The following NUP155 variants were observed in gnomAD, a reference collection of about 807,000 sequenced individuals.
NUP155 encodes the protein nuclear pore complex protein Nup155.
A neutral mutation model predicts 180.4 loss-of-function variants in NUP155; 71 were observed. The observed-to-expected ratio is 0.39, with a 90% CI of 0.33 to 0.48. The LOEUF (loss-of-function observed/expected upper bound fraction) is 0.48, where lower values mean the gene tolerates loss of function less well. Ranked by LOEUF, NUP155 falls within the 20% of genes least tolerant of loss-of-function variation. The pLI, the probability that NUP155 is intolerant of heterozygous loss-of-function variation, is 0.91. For missense variants in NUP155, 1,553 were observed against 1,648.9 expected (o/e 0.94, Z 1.01); for synonymous variants, 582 against 559.5 (o/e 1.04, Z -0.57).
intron 19 of NUP155, among the ~76,000 whole-genome samples, chr5:37,324,615 C>T (rs555942485): frequency 5.3e-5 from 8 of 151,846 alleles, no homozygotes; most frequent in African/African-American, 1.4e-4. Context: ...TGTAGTGGCG[C>T]GGATCATATC....
chr5:37,294,874 CAG>C (rs1007164058), intron 32 of NUP155, among the ~76,000 whole-genome samples: 18 of 152,172 alleles, frequency 1.2e-4, no homozygotes, highest in African/African-American at 3.1e-4. Context: ...CTAATGAGCA[CAG>C]AGTTTCTTTT....
rs1400426953 is a variant in NUP155 at position 37,324,051 on chromosome 5, A to T, written c.2148T>A (p.Gly716=). 6.2e-7 allele frequency: 1 copy of T among 1,613,802 alleles called. No homozygotes were observed. Among genetic ancestry groups the T allele is most frequent in the African/African-American group, 1.3e-5 (1 of 74,920 alleles). Reference sequence around the variant, plus strand: ...AGTTTCTGTCTAGAAATTCCTGCAAACCCTTTAGTTCTTGTAGCACTGACT... The same window carrying T: ...AGTTTCTGTCTAGAAATTCCTGCAATCCCTTTAGTTCTTGTAGCACTGACT... ...LLESVLQELK[G]LQEFLDRNSQ... The change falls in exon 20 of 35, where the codon GGT becomes GGA. Residue 716 remains glycine, a synonymous_variant. Transcript: ENST00000231498.
chr5:37,292,277 G>A lies in NUP155; in HGVS notation c.4038-239C>T, dbSNP rs1325445925. On this transcript the variant is annotated intron_variant, in intron 34 of 34. Transcript: ENST00000231498. ...GTCACTCAGGCTGCAGTGCAGTGGC[G>A]CCATCTCGGCTCACTGCAACCTCTG... Among the ~76,000 whole-genome samples, 10 of 151,392 alleles carry A rather than the reference G, an allele frequency of 6.6e-5. No homozygotes were observed. The South Asian group carries it at 8.3e-4, about 13-fold the overall frequency.
At chr5:37,369,182 T>C (rs1025246794) in intron 1 of NUP155, among the ~76,000 whole-genome samples, 1 of 152,000 alleles carries the variant, frequency 6.6e-6, no homozygotes, top group South Asian at 2.1e-4. Context: ...AGCTCATGAG[T>C]TAGAGGCTGC....
chr5:37,333,853 G>A (rs1201122447), intron 12 of NUP155, among the ~76,000 whole-genome samples: 1 of 151,784 alleles, frequency 6.6e-6, no homozygotes, highest in Non-Finnish European at 1.5e-5. Flanking sequence ...CTAGGCTGGA[G>A]TGTAGTGGAG....
intron 4 of NUP155, among the ~76,000 whole-genome samples, chr5:37,354,216 G>A (rs909326025): frequency 1.3e-5 from 2 of 151,838 alleles, no homozygotes; most frequent in Admixed American, 6.6e-5. Context: ...GCTCGATCTC[G>A]GCTCACTATA....
At chr5:37,294,222 A>T in intron 33 of NUP155, 107 bp downstream of exon 33, 1 of 756,180 alleles carries the variant, frequency 1.3e-6, no homozygotes, top group Non-Finnish European at 2.2e-6. Flanking sequence ...AAGTGTAATT[A>T]GACTAAGTGA....
chr5:37,357,809 A>G lies in NUP155; in HGVS notation c.463+272T>C, dbSNP rs980960575. Among the ~76,000 whole-genome samples the G allele has an allele frequency of 5.3e-5, 8 of 152,226 alleles. No individual in the cohort carries two copies. The South Asian group carries it at 1.2e-3, about 24-fold the overall frequency. The stretch of plus-strand genomic sequence containing the variant: ...AGGAGTTGAGACCAGCCTGGCCAAC[A>G]TGGCGGAGCCCCGTCTCTACTAAAA... On this transcript the variant is annotated intron_variant, in intron 4 of 34. Transcript: ENST00000231498.
At chr5:37,340,019 G>A (rs1745605958) in intron 11 of NUP155, among the ~76,000 whole-genome samples, 1 of 152,132 alleles carries the variant, frequency 6.6e-6, no homozygotes, top group Non-Finnish European at 1.5e-5. Flanking sequence ...TTTGCCTCCC[G>A]AAGTGTTGGG....
chr5:37,301,192 CACAG>C (rs1262798569), intron 30 of NUP155: 6 of 423,292 alleles, frequency 1.4e-5, no homozygotes, highest in Non-Finnish European at 2.2e-5. Flanking sequence ...CTGGTTTTAA[CACAG>C]CTCTCATGCG....
At chr5:37,332,344 C>T (rs543896858) in intron 13 of NUP155, among the ~76,000 whole-genome samples, 5 of 89,272 alleles carry the variant, frequency 5.6e-5, no homozygotes, top group South Asian at 3.5e-4. Context: ...TTTTTTTAGA[C>T]GGAGTCTCGT....
rs145387533 is a variant in NUP155, at chr5:37,321,406, G to A, written c.2207+2586C>T. On this transcript the variant is annotated intron_variant, in intron 20 of 34. Transcript: ENST00000231498. ...ACTAATTCCAATAAAATGGGAAGGA[G>A]GTAAATTCTCCTGCTTAAAAGATAA... 7.9e-5 allele frequency among the ~76,000 whole-genome samples: 12 copies of A among 152,032 alleles called. 1 individual carries two copies. Among genetic ancestry groups the A allele is most frequent in the African/African-American group, 2.2e-4 (9 of 41,490 alleles).
At chr5:37,354,554 G>C (rs1259284386) in intron 4 of NUP155, among the ~76,000 whole-genome samples, 1 of 148,612 alleles carries the variant, frequency 6.7e-6, no homozygotes, top group Non-Finnish European at 1.5e-5. Context: ...GTCCTCCTAT[G>C]CTCAAGCGAT....
chr5:37,355,100 AAAG>A (rs1746728600), intron 4 of NUP155, among the ~76,000 whole-genome samples: 1 of 152,018 alleles, frequency 6.6e-6, no homozygotes, highest in Non-Finnish European at 1.5e-5. Flanking sequence ...TCAAAAAAAA[AAAG>A]AAGTCTGTTT....
At chr5:37,365,772 C>G (rs1467806781) in intron 1 of NUP155, among the ~76,000 whole-genome samples, 1 of 134,462 alleles carries the variant, frequency 7.4e-6, no homozygotes, top group Non-Finnish European at 1.6e-5. Flanking sequence ...CACACACACA[C>G]ACACACACAC....
intron 9 of NUP155, among the ~76,000 whole-genome samples, chr5:37,343,203 T>C (rs1208723800): frequency 6.6e-6 from 1 of 152,074 alleles, no homozygotes; most frequent in African/African-American, 2.4e-5. Context: ...GCCTCCCAAG[T>C]AGCTGGGACT....
At chr5:37,303,239 A>G (rs1561769181) in intron 28 of NUP155, 21 bp downstream of exon 28, 1 of 1,611,406 alleles carries the variant, frequency 6.2e-7, no homozygotes, top group Admixed American at 1.7e-5. Flanking sequence ...CATTCTTCAC[A>G]ATAAGAATAT....
intron 9 of NUP155, among the ~76,000 whole-genome samples, chr5:37,343,847 C>T (rs1017810285): frequency 1.3e-5 from 2 of 151,844 alleles, no homozygotes; most frequent in Non-Finnish European, 2.9e-5. Context: ...GCTGAGATCA[C>T]GTCACTGCAG....
chr5:37,361,696 T>C (rs1747235330), intron 3 of NUP155, among the ~76,000 whole-genome samples: 1 of 152,250 alleles, frequency 6.6e-6, no homozygotes, highest in African/African-American at 2.4e-5. Flanking sequence ...CAATTGAATA[T>C]TTAAACTAAG....
Sources: gnomAD v4.1 joint callset for allele counts (sites outside exome capture counted in the v4.1 genomes callset) on GRCh38, gnomAD v4.1.1 for gene constraint, MANE v1.5 for transcripts, NCBI Gene and HGNC (gene_info 2026-07-23, HGNC 2026-07-21) for gene names.